PLA2G4D: variants seen among roughly 807,000 people sequenced by gnomAD.
The protein encoded by PLA2G4D is cytosolic phospholipase A2 delta.
PLA2G4D carries 80 observed loss-of-function variants against 94.4 expected under a neutral mutation model. The ratio of observed to expected loss-of-function variants is 0.85; its 90% CI spans 0.71 to 1.02. The LOEUF is 1.02. Among genes scored for constraint, PLA2G4D ranks in the 50% least tolerant of loss-of-function variants. The pLI is 0.00. For missense variants in PLA2G4D, 1,050 were observed against 1,034.7 expected, an observed-to-expected ratio of 1.01 and a Z score of -0.20; for synonymous variants, 438 against 440.9, an observed-to-expected ratio of 0.99 and a Z score of 0.08.
At chr15:42,070,227 T>C (rs1889777042) in intron 18 of PLA2G4D, 132 bp from the exon 19 acceptor site, 1 of 921,838 alleles carries the variant, frequency 1.1e-6, no homozygotes, top group South Asian at 2.1e-5. Flanking sequence ...CGGGCCAAGC[T>C]GCAGAGTGAC....
In PLA2G4D at chr15:42,070,101, G is replaced by C; in HGVS notation, c.2044-6C>G. 1 of 1,490,998 alleles carries C rather than the reference G, an allele frequency of 6.7e-7. No individual in the cohort carries two copies. 92.4% of individuals were successfully genotyped at this position (1,490,998 alleles called of 1,614,324 possible). ...AGCTCCGTCTGCTGCAGTGCCTGGT[G>C]GGGAGAAGGTGGCCCGGAGAGAACC... is the stretch of plus-strand genomic sequence containing the variant. On this transcript the variant is annotated splice_polypyrimidine_tract_variant and splice_region_variant and intron_variant, in intron 18 of 19. Transcript: ENST00000290472.
chr15:42,085,566 A>G (rs1244365009), intron 4 of PLA2G4D, 35 bp from the exon 5 acceptor site: 4 of 1,605,438 alleles, frequency 2.5e-6, no homozygotes, highest in Non-Finnish European at 3.4e-6. Context: ...TCATCAGCAC[A>G]TACCTGTGTC....
intron 1 of PLA2G4D, among the ~76,000 whole-genome samples, chr15:42,093,826 G>A (rs1459331606): frequency 6.6e-6 from 1 of 152,202 alleles, no homozygotes; most frequent in Non-Finnish European, 1.5e-5. Context: ...CTGGGGCACC[G>A]GGGGGAGACC....
Position 42,071,563 on chromosome 15 carries a change from C to T in PLA2G4D, c.1574-12G>A. The T allele has an allele frequency of 6.2e-7, 1 of 1,604,514 alleles. No individual in the cohort carries two copies. Among genetic ancestry groups the T allele is most frequent in the Non-Finnish European group, 8.5e-7 (1 of 1,172,876 alleles). On this transcript the variant is annotated splice_polypyrimidine_tract_variant and intron_variant, in intron 15 of 19. Transcript: ENST00000290472. ...GTTGCTCCAGATGGCTGAGGAACAC[C>T]AAAAGAGATCAGCCTCAGGCCCCAG...
At chr15:42,079,398 T>C (rs938277720) in intron 13 of PLA2G4D, 139 bp downstream of exon 13, 1 of 816,480 alleles carries the variant, frequency 1.2e-6, no homozygotes, top group Non-Finnish European at 1.8e-6. Flanking sequence ...AAAGGCAGCA[T>C]TCCAAAGTGA....
rs1437134488 is a variant in PLA2G4D, at chr15:42,067,038, A to G, written c.*1677T>C. Reference sequence around the variant, plus strand: ...TTCCCATATCACTGTTAAAAAAATAAGAGTCCATGATAAAGGGAAAAAGTG... The same window carrying G: ...TTCCCATATCACTGTTAAAAAAATAGGAGTCCATGATAAAGGGAAAAAGTG... On this transcript the variant is annotated 3_prime_UTR_variant, in exon 20 of 20. Coordinates refer to ENST00000290472, the MANE Select transcript of PLA2G4D (RefSeq NM_178034.4). 1 of 152,264 alleles carries G rather than the reference A, an allele frequency of 6.6e-6. No individual in the cohort carries two copies. The highest frequency in any genetic ancestry group is 6.5e-5 in the Admixed American group (1 of 15,288). 9.4% of individuals were successfully genotyped at this position (152,264 alleles called of 1,614,324 possible). A position where few individuals can be genotyped will look rare whatever the true frequency, so the allele number is the denominator to read the frequency against.
intron 13 of PLA2G4D, among the ~76,000 whole-genome samples, chr15:42,076,252 G>A (rs1263805495): frequency 1.3e-5 from 2 of 152,164 alleles, no homozygotes; most frequent in African/African-American, 4.8e-5. Context: ...TGTTATTAAT[G>A]TGAGAAAAAA....
intron 19 of PLA2G4D, among the ~76,000 whole-genome samples, chr15:42,069,413 G>C (rs543212667): frequency 6.6e-6 from 1 of 152,270 alleles, no homozygotes; most frequent in Non-Finnish European, 1.5e-5. Flanking sequence ...TGGGAATATC[G>C]CACAAAGGCA....
At chr15:42,075,734 AAAAT>A (rs1483523347) in intron 13 of PLA2G4D, among the ~76,000 whole-genome samples, 1 of 152,150 alleles carries the variant, frequency 6.6e-6, no homozygotes, top group Non-Finnish European at 1.5e-5. Flanking sequence ...TAAAAATACA[AAAAT>A]TCGCCGTGCA....
chr15:42,075,998 A>G (rs1367267212), intron 13 of PLA2G4D, among the ~76,000 whole-genome samples: 1 of 152,160 alleles, frequency 6.6e-6, no homozygotes. Flanking sequence ...AGCCAAGAGA[A>G]TTCTGAAGAA....
At position 42,081,610 on chromosome 15, in the gene PLA2G4D, C is replaced by T; in HGVS notation, c.826G>A (p.Glu276Lys). The change falls in exon 11 of 20, where the codon GAG (glutamate) becomes AAG (lysine). Residue 276 changes from glutamate (E) to lysine (K), a missense_variant. By Grantham distance (56) the Glu-to-Lys change is moderately conservative. Coordinates refer to ENST00000290472, the MANE Select transcript of PLA2G4D (RefSeq NM_178034.4). Reference protein sequence around the residue: ...RLQLKAEGCPEELAVHLGFNL... With the variant: ...RLQLKAEGCPKELAVHLGFNL... Reference sequence around the variant, plus strand: ...AAGCCCAGGTGCACGGCCAGCTCCTCAGGGCTGTGGCAATGGAGGATCCAG... The same window carrying T: ...AAGCCCAGGTGCACGGCCAGCTCCTTAGGGCTGTGGCAATGGAGGATCCAG... The T allele has an allele frequency of 6.2e-7, 1 of 1,614,066 alleles. No homozygotes were observed. Among genetic ancestry groups the T allele is most frequent in the Non-Finnish European group, 8.5e-7 (1 of 1,179,944 alleles).
At chr15:42,077,990 T>C (rs1306062532) in intron 13 of PLA2G4D, among the ~76,000 whole-genome samples, 1 of 152,272 alleles carries the variant, frequency 6.6e-6, no homozygotes, top group South Asian at 2.1e-4. Context: ...ACTCATTCCC[T>C]GGCAACAACC....
intron 9 of PLA2G4D, 71 bp from the exon 10 acceptor site, chr15:42,081,905 C>T (rs946147648): frequency 1.9e-5 from 21 of 1,083,012 alleles, no homozygotes; most frequent in Admixed American, 8.3e-5. Context: ...TCCCTGGGGA[C>T]TTGGTCCCCT....
intron 1 of PLA2G4D, among the ~76,000 whole-genome samples, chr15:42,089,201 G>A (rs1280051972): frequency 6.6e-6 from 1 of 152,074 alleles, no homozygotes; most frequent in Admixed American, 6.5e-5. Flanking sequence ...CCTGCTTTGC[G>A]CTCTCCCGTG....
At chr15:42,086,079 T>C in intron 4 of PLA2G4D, 134 bp downstream of exon 4, 1 of 997,652 alleles carries the variant, frequency 1.0e-6, no homozygotes. Context: ...AATGCAAATC[T>C]AAAAAGGGGT....
rs77803799 is a variant in PLA2G4D at position 42,081,127 on chromosome 15, C to T, written c.964G>A (p.Val322Ile). The T allele has an allele frequency of 9.9e-6, 16 of 1,613,574 alleles. No homozygotes were observed. Among genetic ancestry groups the T allele is most frequent in the Admixed American group, 5.0e-5 (3 of 59,950 alleles). Residue 322 changes from valine (V) to isoleucine (I), a missense_variant, in exon 12 of 20, where the codon GTT (valine) becomes ATT (isoleucine). By Grantham distance (29) the Val-to-Ile change is conservative. Transcript: ENST00000290472. ...CCTCCTGTGGCCATGATGCCCACAA[C>T]GGGTACCTGGACCACACACAGACAG... ...DRDLQEDEVP[V>I]VGIMATGGGA...
chr15:42,083,852 G>T (rs928464505), intron 6 of PLA2G4D, 73 bp from the exon 7 acceptor site: 1 of 1,477,718 alleles, frequency 6.8e-7, no homozygotes, highest in Non-Finnish European at 9.4e-7. Context: ...AACCCTCTGA[G>T]ACCCACTGTC....
chr15:42,086,194 T>TGCCCCCCCCCCCCCC lies in PLA2G4D; in HGVS notation c.387+18_387+19insGGGGGGGGGGGGGGC. The TGCCCCCCCCCCCCCC allele has an allele frequency of 8.8e-6, 12 of 1,370,442 alleles. No individual in the cohort carries two copies. Among genetic ancestry groups the TGCCCCCCCCCCCCCC allele is most frequent in the South Asian group, 6.0e-5 (4 of 66,866 alleles). The allele number at this position is 1,370,442 out of a possible 1,614,324, so 84.9% of individuals were successfully genotyped here. ...GGAAGAAGTGGGGCCCACGGGGACT[T>TGCCCCCCCCCCCCCC]CCCCACCCACCCACCCACCTGGGGA... On this transcript the variant is annotated intron_variant, in intron 4 of 19. Coordinates refer to ENST00000290472, the MANE Select transcript of PLA2G4D (RefSeq NM_178034.4).
Position 42,083,349 on chromosome 15 carries a change from G to A in PLA2G4D, c.536-15C>T. On this transcript the variant is annotated splice_polypyrimidine_tract_variant and intron_variant, in intron 7 of 19. Transcript: ENST00000290472. ...CTTGTCCTGATCTAGGGAGAGAGTA[G>A]GCGGGTTAGCATGAGAACAAGAGCC... The A allele has an allele frequency of 6.2e-7, 1 of 1,608,144 alleles. No individual in the cohort carries two copies. The highest frequency in any genetic ancestry group is 8.5e-7 in the Non-Finnish European group (1 of 1,177,912).
Sources: gnomAD v4.1 joint callset for allele counts (sites outside exome capture counted in the v4.1 genomes callset) on GRCh38, gnomAD v4.1.1 for gene constraint, MANE v1.5 for transcripts, NCBI Gene and HGNC (gene_info 2026-07-23, HGNC 2026-07-21) for gene names.